Variants in ITGA9 observed in about 807,000 individuals in gnomAD.
ITGA9 encodes integrin subunit alpha 9.
Under a neutral mutation model 127.8 loss-of-function variants are expected in ITGA9, and 56 were observed. The observed-to-expected ratio is 0.44, with a 90% CI of 0.35 to 0.55. ITGA9 has a LOEUF of 0.55. ITGA9 is among the 20% of genes least tolerant of loss of function. The pLI is 0.00. For missense variants in ITGA9, 1,196 were observed against 1,347.1 expected (o/e 0.89, Z 1.76); for synonymous variants, 508 against 514.5 (o/e 0.99, Z 0.17).
chr3:37,555,654 A>G (rs1452596625), intron 15 of ITGA9, among the ~76,000 whole-genome samples: 2 of 152,232 alleles, frequency 1.3e-5, no homozygotes, highest in Non-Finnish European at 2.9e-5. Flanking sequence ...GGAAATACAA[A>G]TAATAGATTG....
intron 3 of ITGA9, 93 bp from the exon 4 acceptor site, chr3:37,481,390 TC>T (rs1173128520): frequency 6.5e-7 from 1 of 1,530,570 alleles, no homozygotes; most frequent in African/African-American, 1.4e-5. Context: ...TCCTCTCTTC[TC>T]CCACAGAAAG....
chr3:37,665,149 T>G (rs965574292), intron 17 of ITGA9, among the ~76,000 whole-genome samples: 5 of 150,950 alleles, frequency 3.3e-5, no homozygotes, highest in African/African-American at 1.2e-4. Flanking sequence ...ATTTTTGTAT[T>G]TTTTTAGTAG....
chr3:37,798,431 C>A (rs1488389736), intron 26 of ITGA9, among the ~76,000 whole-genome samples: 1 of 152,206 alleles, frequency 6.6e-6, no homozygotes, highest in African/African-American at 2.4e-5. Flanking sequence ...CCTTTCTACT[C>A]AAAGTGTGGT....
intron 1 of ITGA9, among the ~76,000 whole-genome samples, chr3:37,462,348 G>T (rs1213723802): frequency 2.2e-4 from 33 of 152,244 alleles, no homozygotes; most frequent in Non-Finnish European, 4.4e-5. Context: ...GCGTTATGTG[G>T]TGTGGATTGT....
At chr3:37,536,593 A>G (rs1396046603) in intron 14 of ITGA9, among the ~76,000 whole-genome samples, 1 of 152,226 alleles carries the variant, frequency 6.6e-6, no homozygotes, top group African/African-American at 2.4e-5. Flanking sequence ...GCCTATGTAC[A>G]GAGAAGGGAC....
intron 26 of ITGA9, among the ~76,000 whole-genome samples, chr3:37,803,056 G>T (rs1294199671): frequency 3.3e-5 from 5 of 152,216 alleles, no homozygotes; most frequent in African/African-American, 1.2e-4. Context: ...GGGGTCCACA[G>T]TCTACTGGGG....
intron 22 of ITGA9, chr3:37,745,577 G>A (rs1338384370): frequency 1.3e-5 from 2 of 152,172 alleles, no homozygotes; most frequent in Non-Finnish European, 2.9e-5. Flanking sequence ...AATTAAAGAT[G>A]TAGTTCAGAA....
intron 11 of ITGA9, among the ~76,000 whole-genome samples, chr3:37,522,322 G>C (rs546051077): frequency 1.3e-5 from 2 of 152,266 alleles, no homozygotes; most frequent in South Asian, 2.1e-4. Context: ...TCTTTGTGAG[G>C]AACTGCGCCA....
chr3:37,604,567 G>T (rs1323989131), intron 15 of ITGA9, among the ~76,000 whole-genome samples: 1 of 152,224 alleles, frequency 6.6e-6, no homozygotes, highest in African/African-American at 2.4e-5. Flanking sequence ...TAACGGAAGG[G>T]TTTCCACACT....
At chr3:37,782,140 G>A (rs910486358) in intron 25 of ITGA9, among the ~76,000 whole-genome samples, 1 of 152,338 alleles carries the variant, frequency 6.6e-6, no homozygotes, top group East Asian at 1.9e-4. Context: ...CCAGGCTGGA[G>A]GACTATGCCT....
intron 18 of ITGA9, among the ~76,000 whole-genome samples, chr3:37,721,619 C>G (rs1295866274): frequency 6.6e-6 from 1 of 152,158 alleles, no homozygotes; most frequent in South Asian, 2.1e-4. Context: ...CTTTGTAGTG[C>G]TTTCTTTGTC....
At chr3:37,767,649 A>G (rs1217708065) in intron 23 of ITGA9, among the ~76,000 whole-genome samples, 1 of 152,192 alleles carries the variant, frequency 6.6e-6, no homozygotes. Context: ...AGAGCCCCTC[A>G]TATTAGCCTA....
chr3:37,746,140 C>T (rs1180312433), intron 22 of ITGA9, among the ~76,000 whole-genome samples: 1 of 152,180 alleles, frequency 6.6e-6, no homozygotes, highest in Non-Finnish European at 1.5e-5. Flanking sequence ...GGTGAAAATA[C>T]TGTGGAAGGA....
At chr3:37,511,401 G>A (rs747616262) in intron 8 of ITGA9, among the ~76,000 whole-genome samples, 5 of 152,198 alleles carry the variant, frequency 3.3e-5, no homozygotes, top group Non-Finnish European at 7.3e-5. Context: ...AATTAACGGA[G>A]TATGTGAAGC....
chr3:37,740,256 ACAGT>A (rs1370267162), intron 20 of ITGA9, among the ~76,000 whole-genome samples: 1 of 152,100 alleles, frequency 6.6e-6, no homozygotes, highest in Non-Finnish European at 1.5e-5. Flanking sequence ...GTGGTGGGGA[ACAGT>A]CAGGATGAGC....
At chr3:37,551,927 T>A (rs768354) in intron 15 of ITGA9, among the ~76,000 whole-genome samples, 1 of 152,142 alleles carries the variant, frequency 6.6e-6, no homozygotes, top group African/African-American at 2.4e-5. Flanking sequence ...ACACTATGTT[T>A]TCGTGAAGGC....
intron 17 of ITGA9, among the ~76,000 whole-genome samples, chr3:37,655,555 G>A (rs948422671): frequency 6.6e-6 from 1 of 151,816 alleles, no homozygotes; most frequent in Admixed American, 6.6e-5. Flanking sequence ...TTTTTTTCTT[G>A]TAAATTTGTT....
chr3:37,539,748 A>G (rs951422203), intron 14 of ITGA9, among the ~76,000 whole-genome samples: 1 of 152,196 alleles, frequency 6.6e-6, no homozygotes, highest in East Asian at 1.9e-4. Flanking sequence ...AAGTTGACAC[A>G]TAAAATTAGC....
At chr3:37,653,648 T>C in intron 16 of ITGA9, 66 bp from the exon 17 acceptor site, 3 of 1,125,624 alleles carry the variant, frequency 2.7e-6, no homozygotes, top group Non-Finnish European at 4.1e-6. Context: ...AAGAAAGGAA[T>C]TGGCCACTGT....
Sources: gnomAD v4.1 joint callset for allele counts (sites outside exome capture counted in the v4.1 genomes callset) on GRCh38, gnomAD v4.1.1 for gene constraint, MANE v1.5 for transcripts, NCBI Gene and HGNC (gene_info 2026-07-23, HGNC 2026-07-21) for gene names.